The following PTPRR variants were observed in gnomAD, a reference collection of about 807,000 sequenced individuals.
The protein encoded by PTPRR is receptor-type tyrosine-protein phosphatase R.
PTPRR carries 38 observed loss-of-function variants against 77.2 expected under a neutral mutation model. The ratio of observed to expected loss-of-function variants is 0.49; its 90% confidence interval spans 0.38 to 0.65. The LOEUF (loss-of-function observed/expected upper bound fraction) is 0.65. Ranked by LOEUF, PTPRR falls within the 30% of genes least tolerant of loss-of-function variation. PTPRR has a pLI of 0.00. For synonymous variants in PTPRR, 299 were observed against 283.1 expected (o/e 1.06, Z -0.57); for missense variants, 744 against 799.2 (o/e 0.93, Z 0.83).
chr12:70,875,181 A>C (rs1196942449), intron 2 of PTPRR, among the ~76,000 whole-genome samples: 2 of 152,164 alleles, frequency 1.3e-5, no homozygotes, highest in Non-Finnish European at 2.9e-5. Context: ...TGAGTAGGAA[A>C]GTTTTCCCTG....
chr12:70,828,000 G>A (rs1324796812), intron 2 of PTPRR, among the ~76,000 whole-genome samples: 12 of 152,150 alleles, frequency 7.9e-5, no homozygotes, highest in South Asian at 4.1e-4. Context: ...GATTACAGGC[G>A]TGAGCCACCA....
intron 1 of PTPRR, among the ~76,000 whole-genome samples, chr12:70,917,316 A>T (rs1214861714): frequency 6.6e-6 from 1 of 152,178 alleles, no homozygotes; most frequent in Non-Finnish European, 1.5e-5. Context: ...TGGTGGCCTC[A>T]CCTATTGTAG....
chr12:70,755,501 A>ATT (rs1445219596), intron 4 of PTPRR, among the ~76,000 whole-genome samples: 2 of 152,206 alleles, frequency 1.3e-5, no homozygotes, highest in Admixed American at 1.3e-4. Context: ...TGGTGGGAAG[A>ATT]TAAGCAAGGC....
intron 2 of PTPRR, among the ~76,000 whole-genome samples, chr12:70,842,970 T>C (rs939195338): frequency 2.0e-5 from 3 of 152,226 alleles, no homozygotes; most frequent in African/African-American, 7.2e-5. Flanking sequence ...TTTGTGCAGA[T>C]AGGCACTACT....
intron 13 of PTPRR, among the ~76,000 whole-genome samples, chr12:70,651,679 T>A (rs1333286429): frequency 6.6e-6 from 1 of 152,188 alleles, no homozygotes; most frequent in Non-Finnish European, 1.5e-5. Context: ...GCTCATTTGT[T>A]TAAAATGGCA....
At chr12:70,779,130 G>A (rs903345181) in intron 2 of PTPRR, among the ~76,000 whole-genome samples, 1 of 151,650 alleles carries the variant, frequency 6.6e-6, no homozygotes, top group Non-Finnish European at 1.5e-5. Flanking sequence ...TTACAGGCGT[G>A]AGCCACCCTG....
At chr12:70,693,652 G>A (rs1006701367) in intron 8 of PTPRR, among the ~76,000 whole-genome samples, 1 of 151,760 alleles carries the variant, frequency 6.6e-6, no homozygotes, top group South Asian at 2.1e-4. Context: ...ATATAACTGA[G>A]TATGGGGAAA....
At position 70,754,257 on chromosome 12, in the gene PTPRR, G is replaced by A; in HGVS notation, c.672C>T (p.Ser224=). Residue 224 remains serine, a synonymous_variant, in exon 5 of 14, where the codon AGC becomes AGT. Coordinates refer to ENST00000283228, the MANE Select transcript of PTPRR (RefSeq NM_002849.4). ...QGQHEADKIW[S]KEGFYAVVIF... The stretch of plus-strand genomic sequence containing the variant: ...TGACAACAGCATAAAATCCTTCTTT[G>A]CTCCAGATTTTGTCCGCTTCATGCT... 5.6e-6 allele frequency: 9 copies of A among 1,613,694 alleles called. No individual in the cohort carries two copies. The highest frequency in any genetic ancestry group is 6.8e-6 in the Non-Finnish European group (8 of 1,179,814).
chr12:70,792,830 G>A (rs11178426), intron 2 of PTPRR, among the ~76,000 whole-genome samples: 3,360 of 152,104 alleles, frequency 0.022, 79 homozygotes, highest in African/African-American at 0.057. Flanking sequence ...GAGGCACTAA[G>A]AATAATGAGA....
rs1481744918 is a variant in PTPRR at position 70,761,584 on chromosome 12, G to A, written c.514C>T (p.Arg172Ter). The A allele has an allele frequency of 1.9e-6, 3 of 1,611,050 alleles. No homozygotes were observed. Among genetic ancestry groups the A allele is most frequent in the East Asian group, 2.2e-5 (1 of 44,758 alleles). Residue 172 changes from arginine to a stop codon, truncating the protein, a stop_gained, in exon 4 of 14, where the codon CGA becomes TGA. Coordinates refer to ENST00000283228, the MANE Select transcript of PTPRR (RefSeq NM_002849.4). LOFTEE classifies it high-confidence loss of function. Reference protein sequence around the residue: ...SIELFVSPINRKTGISDALPS... With the variant: ...SIELFVSPIN ...AGAGCATCAGAAATTCCTGTTTTTCGGTTTATGGGAGACACAAACAGTTCA... is the reference window on the plus strand; with the variant it reads ...AGAGCATCAGAAATTCCTGTTTTTCAGTTTATGGGAGACACAAACAGTTCA...
intron 8 of PTPRR, among the ~76,000 whole-genome samples, chr12:70,688,712 A>AT (rs1444275723): frequency 6.6e-6 from 1 of 152,220 alleles, no homozygotes; most frequent in African/African-American, 2.4e-5. Flanking sequence ...AACTGAAGTC[A>AT]GTATGTTGAA....
intron 2 of PTPRR, among the ~76,000 whole-genome samples, chr12:70,847,780 G>C (rs1892509095): frequency 6.6e-6 from 1 of 152,136 alleles, no homozygotes; most frequent in Non-Finnish European, 1.5e-5. Context: ...TGGACACTTA[G>C]AGGTTCCAGA....
intron 2 of PTPRR, among the ~76,000 whole-genome samples, chr12:70,771,205 T>C (rs1890967952): frequency 1.3e-5 from 2 of 151,890 alleles, no homozygotes; most frequent in Admixed American, 1.3e-4. Flanking sequence ...ATATACACCA[T>C]GGAACATTAT....
chr12:70,771,434 T>C (rs76274200), intron 2 of PTPRR, among the ~76,000 whole-genome samples: 9,762 of 152,160 alleles, frequency 0.064, 341 homozygotes, highest in East Asian at 0.098. Context: ...GACTGCTTAA[T>C]GTGTGCTGTG....
intron 2 of PTPRR, among the ~76,000 whole-genome samples, chr12:70,864,815 CTGT>C (rs1452178937): frequency 1.3e-5 from 2 of 152,058 alleles, no homozygotes; most frequent in Non-Finnish European, 1.5e-5. Context: ...GATTTTGTTG[CTGT>C]TGTTGTTTTT....
intron 2 of PTPRR, among the ~76,000 whole-genome samples, chr12:70,850,900 G>C (rs182136044): frequency 6.6e-6 from 1 of 152,028 alleles, no homozygotes. Context: ...ACATGAATGA[G>C]TTAATAAATT....
intron 2 of PTPRR, among the ~76,000 whole-genome samples, chr12:70,849,784 C>T (rs557928823): frequency 2.0e-5 from 3 of 152,122 alleles, no homozygotes; most frequent in African/African-American, 7.2e-5. Context: ...AGTCATTTTT[C>T]CTTAATTAAT....
chr12:70,760,954 T>G (rs1205698341), intron 4 of PTPRR, among the ~76,000 whole-genome samples: 2 of 152,202 alleles, frequency 1.3e-5, no homozygotes, highest in East Asian at 1.9e-4. Context: ...AAGAAACATC[T>G]ATAGTTCTTA....
At chr12:70,777,196 T>G (rs1282356690) in intron 2 of PTPRR, among the ~76,000 whole-genome samples, 1 of 152,098 alleles carries the variant, frequency 6.6e-6, no homozygotes, top group African/African-American at 2.4e-5. Flanking sequence ...CATGCTTTGA[T>G]TCTTATAATT....
Sources: allele counts gnomAD v4.1 joint callset (sites outside exome capture counted in the v4.1 genomes callset), GRCh38; gene constraint gnomAD v4.1.1; transcripts MANE v1.5; gene names NCBI Gene and HGNC (gene_info 2026-07-23, HGNC 2026-07-21).